ATRNL1: variants seen among roughly 807,000 people sequenced by gnomAD.
ATRNL1 encodes attractin-like protein 1.
Under a neutral mutation model 182.7 loss-of-function variants are expected in ATRNL1, and 95 were observed. The observed-to-expected ratio is 0.52, with a 90% CI of 0.44 to 0.62. The LOEUF (loss-of-function observed/expected upper bound fraction) is 0.62. Among genes scored for constraint, ATRNL1 ranks in the 20% least tolerant of loss-of-function variants. The pLI, the probability that ATRNL1 is intolerant of heterozygous loss-of-function variation, is 0.00. For missense variants in ATRNL1, 1,471 were observed against 1,679.5 expected (o/e 0.88, Z 2.17); for synonymous variants, 576 against 568.3 (o/e 1.01, Z -0.19).
chr10:115,769,727 A>G (rs1948941520), intron 27 of ATRNL1, among the ~76,000 whole-genome samples: 1 of 152,150 alleles, frequency 6.6e-6, no homozygotes, highest in African/African-American at 2.4e-5. Context: ...TTCCTTGACA[A>G]TAAGCTAAAG....
chr10:115,319,391 A>T (rs141054100), intron 18 of ATRNL1, among the ~76,000 whole-genome samples: 1,961 of 152,226 alleles, frequency 0.013, 35 homozygotes, highest in African/African-American at 0.044. Context: ...GTTTTGTAGA[A>T]GTCTATTAGG....
At chr10:115,714,455 T>C (rs1304793979) in intron 26 of ATRNL1, among the ~76,000 whole-genome samples, 2 of 152,296 alleles carry the variant, frequency 1.3e-5, no homozygotes, top group East Asian at 1.9e-4. Flanking sequence ...CAGCACGAAC[T>C]TTCTGAGGCT....
At chr10:115,606,406 T>A (rs1555017618) in intron 26 of ATRNL1, among the ~76,000 whole-genome samples, 1 of 152,022 alleles carries the variant, frequency 6.6e-6, no homozygotes, top group African/African-American at 2.4e-5. Context: ...TAAGAAGTAG[T>A]CTTATCTGCT....
chr10:115,427,844 C>T (rs7078695), intron 21 of ATRNL1, among the ~76,000 whole-genome samples: 46,416 of 151,012 alleles, frequency 0.31, 7,282 homozygotes, highest in Non-Finnish European at 0.34. Context: ...GTCCTGAAAT[C>T]GGTTAGTATT....
chr10:115,845,592 G>T (rs953632046), intron 27 of ATRNL1, among the ~76,000 whole-genome samples: 1 of 152,010 alleles, frequency 6.6e-6, no homozygotes, highest in Admixed American at 6.6e-5. Flanking sequence ...TCAAATTGAT[G>T]TACTACTGAA....
intron 22 of ATRNL1, among the ~76,000 whole-genome samples, chr10:115,463,737 C>T (rs1343208357): frequency 6.6e-6 from 1 of 152,012 alleles, no homozygotes; most frequent in African/African-American, 2.4e-5. Flanking sequence ...CTAGGTACCT[C>T]ATATAAATGT....
chr10:115,872,710 G>T (rs1172574768), intron 28 of ATRNL1, among the ~76,000 whole-genome samples: 4 of 152,210 alleles, frequency 2.6e-5, no homozygotes, highest in African/African-American at 9.7e-5. Flanking sequence ...GAAATAAAGT[G>T]AATATTTGCA....
intron 8 of ATRNL1, among the ~76,000 whole-genome samples, chr10:115,183,027 C>T (rs1847807372): frequency 6.6e-6 from 1 of 151,162 alleles, no homozygotes; most frequent in Non-Finnish European, 1.5e-5. Flanking sequence ...CATGGAAAAC[C>T]CACAAAAATT....
intron 26 of ATRNL1, among the ~76,000 whole-genome samples, chr10:115,596,088 T>C (rs1397563864): frequency 3.9e-5 from 6 of 152,126 alleles, no homozygotes; most frequent in Admixed American, 3.9e-4. Context: ...TGTTCGGAAA[T>C]GTGACGCCCA....
chr10:115,743,812 C>T (rs1002876759), intron 27 of ATRNL1, among the ~76,000 whole-genome samples: 9 of 149,864 alleles, frequency 6.0e-5, no homozygotes, highest in African/African-American at 2.2e-4. Flanking sequence ...TTAAAATACA[C>T]ATACAGTAAC....
At chr10:115,628,924 A>T (rs1858297880) in intron 26 of ATRNL1, among the ~76,000 whole-genome samples, 1 of 152,152 alleles carries the variant, frequency 6.6e-6, no homozygotes, top group Non-Finnish European at 1.5e-5. Context: ...TCCTAATTGA[A>T]TAGTCTTGGC....
chr10:115,436,451 T>A (rs564537553), intron 21 of ATRNL1, among the ~76,000 whole-genome samples: 2 of 152,096 alleles, frequency 1.3e-5, no homozygotes, highest in African/African-American at 2.4e-5. Context: ...TTTTCAGAGT[T>A]TGGATTATAA....
intron 28 of ATRNL1, among the ~76,000 whole-genome samples, chr10:115,868,362 C>T (rs1374321729): frequency 2.6e-5 from 4 of 152,120 alleles, no homozygotes; most frequent in African/African-American, 9.7e-5. Flanking sequence ...TGAGGTTACC[C>T]GTGACCGCCA....
chr10:115,691,332 G>A (rs1310011554), intron 26 of ATRNL1, among the ~76,000 whole-genome samples: 1 of 152,180 alleles, frequency 6.6e-6, no homozygotes, highest in African/African-American at 2.4e-5. Flanking sequence ...AGTGTGAGGT[G>A]ATAGCTCATT....
chr10:115,307,297 C>G (rs994194072), intron 17 of ATRNL1, among the ~76,000 whole-genome samples: 3 of 152,132 alleles, frequency 2.0e-5, no homozygotes, highest in Admixed American at 6.5e-5. Context: ...GAGTCTCGCT[C>G]TGTCACCCAG....
chr10:115,509,899 C>G (rs1850302842), intron 24 of ATRNL1, among the ~76,000 whole-genome samples: 1 of 151,946 alleles, frequency 6.6e-6, no homozygotes. Context: ...TTCTAATTGC[C>G]TTTGATAACA....
intron 13 of ATRNL1, among the ~76,000 whole-genome samples, chr10:115,278,477 T>C (rs1852203681): frequency 6.6e-6 from 1 of 152,236 alleles, no homozygotes; most frequent in Non-Finnish European, 1.5e-5. Flanking sequence ...AACATCTTGA[T>C]TGGCTACAGG....
At chr10:115,229,471 G>T (rs900173939) in intron 9 of ATRNL1, among the ~76,000 whole-genome samples, 11 of 151,882 alleles carry the variant, frequency 7.2e-5, no homozygotes, top group Admixed American at 2.6e-4. Flanking sequence ...TGAAAATTTT[G>T]TTGGCTCTTT....
intron 26 of ATRNL1, among the ~76,000 whole-genome samples, chr10:115,559,270 G>A (rs1374427663): frequency 1.3e-5 from 2 of 152,122 alleles, no homozygotes; most frequent in African/African-American, 2.4e-5. Flanking sequence ...CACAGAGATT[G>A]CATTTGTTAT....
Sources: allele counts gnomAD v4.1 joint callset (sites outside exome capture counted in the v4.1 genomes callset), GRCh38; gene constraint gnomAD v4.1.1; transcripts MANE v1.5; gene names NCBI Gene and HGNC (gene_info 2026-07-23, HGNC 2026-07-21).